The following DCAF13 variants were observed in gnomAD, a reference collection of about 807,000 sequenced individuals.
DCAF13 encodes the protein DDB1- and CUL4-associated factor 13.
In DCAF13, 38 loss-of-function variants were observed where a neutral mutation model predicts 59.0. That is an observed-to-expected ratio of 0.64 (90% CI 0.50 to 0.84). The LOEUF (loss-of-function observed/expected upper bound fraction) is 0.84. Ranked by LOEUF, DCAF13 falls within the 40% of genes least tolerant of loss-of-function variation. The pLI is 0.00. For missense variants in DCAF13, 469 were observed against 558.4 expected, an observed-to-expected ratio of 0.84 and a Z score of 1.61; for synonymous variants, 173 against 175.0, an observed-to-expected ratio of 0.99 and a Z score of 0.09.
At chr8:103,424,962 A>G (rs1233511742) in intron 3 of DCAF13, among the ~76,000 whole-genome samples, 2 of 152,200 alleles carry the variant, frequency 1.3e-5, no homozygotes, top group African/African-American at 2.4e-5. Flanking sequence ...GATTCTGTTC[A>G]TCGACATCCT....
chr8:103,427,470 A>C, intron 5 of DCAF13: 1 of 549,766 alleles, frequency 1.8e-6, no homozygotes, highest in Non-Finnish European at 3.2e-6. Context: ...GCATTGTTAG[A>C]GGAGTGGTGT....
intron 1 of DCAF13, among the ~76,000 whole-genome samples, chr8:103,416,235 C>T (rs1022068988): frequency 2.0e-5 from 3 of 152,052 alleles, no homozygotes; most frequent in African/African-American, 7.3e-5. Flanking sequence ...TGAGATGAGG[C>T]GAAAACAGTA....
Position 103,427,099 on chromosome 8 carries a change from A to G in DCAF13, c.471A>G (p.Thr157=), listed in dbSNP as rs983453478. Residue 157 remains threonine, a splice_region_variant and synonymous_variant, in exon 5 of 11, where the codon ACA becomes ACG. Coordinates refer to ENST00000612750, the MANE Select transcript of DCAF13 (RefSeq NM_015420.7). ...TCTTAACCTTTTTGCTTTTAAAGAC[A>G]GTGTATACTGGGATTGATCATCACT... ...EEPLHTILGK[T]VYTGIDHHWK... 1.3e-6 allele frequency: 2 copies of G among 1,596,736 alleles called. No homozygotes were observed. Among genetic ancestry groups the G allele is most frequent in the African/African-American group, 2.7e-5 (2 of 74,156 alleles).
intron 3 of DCAF13, among the ~76,000 whole-genome samples, chr8:103,425,334 A>G (rs565159866): frequency 1.4e-3 from 210 of 152,346 alleles, no homozygotes; most frequent in African/African-American, 4.9e-3. Flanking sequence ...TGTCTGCCAA[A>G]TACCCATGTC....
intron 2 of DCAF13, 106 bp downstream of exon 2, chr8:103,420,569 T>A: frequency 1.6e-6 from 2 of 1,230,194 alleles, no homozygotes; most frequent in East Asian, 2.5e-5. Context: ...GATTTCAATT[T>A]ACTTCTCAAG....
rs762435482 is a variant in DCAF13, at chr8:103,415,418, C to G, written c.-29C>G. The G allele has an allele frequency of 2.5e-5, 40 of 1,613,932 alleles. No individual in the cohort carries two copies. Among genetic ancestry groups the G allele is most frequent in the South Asian group, 6.6e-5 (6 of 91,078 alleles). ...TGGGCGGAACTCCTAGCGGACACCTCGTGGAGTCCGGCCGGAAGAGCAACC... is the reference window on the plus strand; with the variant it reads ...TGGGCGGAACTCCTAGCGGACACCTGGTGGAGTCCGGCCGGAAGAGCAACC... On this transcript the variant is annotated 5_prime_UTR_variant, in exon 1 of 11. Transcript: ENST00000612750.
chr8:103,440,386 G>T, intron 9 of DCAF13, 115 bp downstream of exon 9: 1 of 935,196 alleles, frequency 1.1e-6, no homozygotes, highest in Non-Finnish European at 1.5e-6. Flanking sequence ...AATTGACATA[G>T]CTGTGATAAA....
intron 7 of DCAF13, among the ~76,000 whole-genome samples, 192 bp from the exon 8 acceptor site, chr8:103,435,434 A>G (rs1444811296): frequency 6.6e-6 from 1 of 152,114 alleles, no homozygotes; most frequent in Non-Finnish European, 1.5e-5. Context: ...TATATATATA[A>G]GTGGAGTCTT....
Position 103,441,605 on chromosome 8 carries a change from G to A in DCAF13, c.1237G>A (p.Ala413Thr). The change falls in exon 10 of 11, where the codon GCT becomes ACT. Residue 413 changes from alanine (A) to threonine (T), a missense_variant. Transcript: ENST00000612750. Reference protein sequence around the residue: ...QIQEQRIMKEARRRKEVNRIK... With the variant: ...QIQEQRIMKETRRRKEVNRIK... ...TCAGGAACAGCGCATCATGAAAGAAGCTCGTCGACGAAAGTATGTTTTGAG... is the reference window on the plus strand; with the variant it reads ...TCAGGAACAGCGCATCATGAAAGAAACTCGTCGACGAAAGTATGTTTTGAG... 6.2e-7 allele frequency: 1 copy of A among 1,610,300 alleles called. No homozygotes were observed. The highest frequency in any genetic ancestry group is 8.5e-7 in the Non-Finnish European group (1 of 1,179,130).
intron 4 of DCAF13, 36 bp from the exon 5 acceptor site, chr8:103,427,061 A>G: frequency 4.6e-6 from 7 of 1,514,348 alleles, no homozygotes; most frequent in Non-Finnish European, 6.2e-6. Context: ...TGAATTAGTA[A>G]TGAAAAAAAT....
chr8:103,417,536 G>C (rs13261525), intron 1 of DCAF13, among the ~76,000 whole-genome samples: 2 of 151,624 alleles, frequency 1.3e-5, no homozygotes, highest in African/African-American at 2.4e-5. Flanking sequence ...CAGCTACTCA[G>C]GAGGCTGAGG....
chr8:103,422,525 G>A (rs1343037769), intron 3 of DCAF13, among the ~76,000 whole-genome samples: 6 of 152,104 alleles, frequency 3.9e-5, no homozygotes, highest in Admixed American at 6.6e-5. Context: ...CTAGGAGGAA[G>A]GAATAGTCAG....
At chr8:103,435,367 T>C (rs775787723) in intron 7 of DCAF13, among the ~76,000 whole-genome samples, 19 of 152,082 alleles carry the variant, frequency 1.2e-4, no homozygotes, top group Non-Finnish European at 1.9e-4. Context: ...GTACTCTACT[T>C]TTTTTGAAAT....
At chr8:103,439,627 A>G (rs1816981177) in intron 8 of DCAF13, 2 of 152,092 alleles carry the variant, frequency 1.3e-5, no homozygotes, top group Admixed American at 1.3e-4. Flanking sequence ...AGCTTTTTAA[A>G]CAATTTAACC....
Position 103,415,420 on chromosome 8 carries a change from T to G in DCAF13, c.-27T>G. The G allele has an allele frequency of 6.2e-7, 1 of 1,614,044 alleles. No individual in the cohort carries two copies. Among genetic ancestry groups the G allele is most frequent in the Non-Finnish European group, 8.5e-7 (1 of 1,180,006 alleles). On this transcript the variant is annotated 5_prime_UTR_variant, in exon 1 of 11. Coordinates refer to ENST00000612750, the MANE Select transcript of DCAF13 (RefSeq NM_015420.7). The stretch of plus-strand genomic sequence containing the variant: ...GGCGGAACTCCTAGCGGACACCTCG[T>G]GGAGTCCGGCCGGAAGAGCAACCGA...
intron 3 of DCAF13, among the ~76,000 whole-genome samples, chr8:103,423,637 T>C (rs950774450): frequency 6.6e-6 from 1 of 152,206 alleles, no homozygotes; most frequent in Non-Finnish European, 1.5e-5. Context: ...AACAACATGC[T>C]CTCTTGACAA....
In DCAF13 at chr8:103,441,519, A is replaced by T. The variant is rs766294351; in HGVS notation, c.1151A>T (p.Tyr384Phe). The T allele has an allele frequency of 4.4e-6, 7 of 1,606,432 alleles. No individual in the cohort carries two copies. The highest frequency in any genetic ancestry group is 5.9e-6 in the Non-Finnish European group (7 of 1,178,310). The change falls in exon 10 of 11, where the codon TAT (tyrosine) becomes TTT (phenylalanine). Residue 384 changes from tyrosine to phenylalanine, a missense_variant. By Grantham distance (22) the Tyr-to-Phe change is conservative. Transcript: ENST00000612750. ...NQKLKEKFQHYPHIKRIARHR... is the reference protein window; with the variant it reads ...NQKLKEKFQHFPHIKRIARHR... Reference sequence around the variant, plus strand: ...AAATTGAAGGAGAAATTTCAGCATTATCCTCATATAAAACGTATAGCTCGT... The same window carrying T: ...AAATTGAAGGAGAAATTTCAGCATTTTCCTCATATAAAACGTATAGCTCGT...
intron 5 of DCAF13, chr8:103,429,919 C>T (rs1043893827): frequency 6.6e-6 from 1 of 152,052 alleles, no homozygotes; most frequent in Non-Finnish European, 1.5e-5. Flanking sequence ...TCAGTAATGT[C>T]ATTTGTGAAA....
chr8:103,418,918 C>T (rs1331233050), intron 1 of DCAF13, among the ~76,000 whole-genome samples: 2 of 110,018 alleles, frequency 1.8e-5, no homozygotes, highest in African/African-American at 7.1e-5. Flanking sequence ...AAGTCACACT[C>T]TGTCAGCCAG....
Sources: gnomAD v4.1 joint callset for allele counts (sites outside exome capture counted in the v4.1 genomes callset) on GRCh38, gnomAD v4.1.1 for gene constraint, MANE v1.5 for transcripts, NCBI Gene and HGNC (gene_info 2026-07-23, HGNC 2026-07-21) for gene names.